The following LIN28B variants were observed in gnomAD, a reference collection of about 807,000 sequenced individuals.
The protein encoded by LIN28B is lin-28 RNA binding posttranscriptional regulator B.
LIN28B carries 5 observed loss-of-function variants against 21.9 expected under a neutral mutation model. The ratio of observed to expected loss-of-function variants is 0.23; its 90% CI spans 0.12 to 0.48. The LOEUF (loss-of-function observed/expected upper bound fraction) is 0.48, where lower values mean the gene tolerates loss of function less well. LIN28B is among the 20% of genes least tolerant of loss of function. The pLI is 0.98. For synonymous variants in LIN28B, 109 were observed against 111.3 expected (o/e 0.98, Z 0.13); for missense variants, 245 against 310.5 (o/e 0.79, Z 1.58).
At chr6:104,942,933 A>G (rs1778114015) in intron 2 of LIN28B, among the ~76,000 whole-genome samples, 1 of 152,118 alleles carries the variant, frequency 6.6e-6, no homozygotes, top group African/African-American at 2.4e-5. Flanking sequence ...AAATGATTCA[A>G]TAATTATATT....
chr6:104,989,726 G>C (rs1770424755), intron 2 of LIN28B, among the ~76,000 whole-genome samples: 1 of 151,344 alleles, frequency 6.6e-6, no homozygotes, highest in Non-Finnish European at 1.5e-5. Context: ...GAGTAGCTGG[G>C]ATTACAGGCC....
At position 105,078,622 on chromosome 6, in the gene LIN28B, G is replaced by A. The variant is rs1175916919; in HGVS notation, c.592G>A (p.Gly198Arg). 2.2e-5 allele frequency: 36 copies of A among 1,613,954 alleles called. No individual in the cohort carries two copies. Among genetic ancestry groups the A allele is most frequent in the Middle Eastern group, 1.6e-4 (1 of 6,084 alleles). The part of the protein sequence containing the change: ...TSTLPREVGG[G>R]HGCTSPPFPQ... ...AACTCTCCCTCGAGAAGTGGGAGGC[G>A]GGCATGGCTGTACATCACCACCGTT... Residue 198 changes from glycine (G) to arginine (R), a missense_variant, in exon 4 of 4, where the codon GGG becomes AGG. Physicochemically the swap from Gly to Arg is moderately radical, Grantham distance 125. Transcript: ENST00000345080.
chr6:105,019,790 C>G (rs544483791), intron 2 of LIN28B, among the ~76,000 whole-genome samples: 10 of 152,276 alleles, frequency 6.6e-5, no homozygotes, highest in African/African-American at 2.2e-4. Flanking sequence ...TCATTCTCTT[C>G]TTTATTGTGA....
At chr6:104,980,611 T>G (rs1036481392) in intron 2 of LIN28B, among the ~76,000 whole-genome samples, 1 of 152,208 alleles carries the variant, frequency 6.6e-6, no homozygotes, top group African/African-American at 2.4e-5. Flanking sequence ...AAAACTGATG[T>G]TAAAGGAAGA....
intron 3 of LIN28B, among the ~76,000 whole-genome samples, chr6:105,044,789 A>ACCATT (rs1771711936): frequency 6.6e-6 from 1 of 152,178 alleles, no homozygotes; most frequent in Non-Finnish European, 1.5e-5. Flanking sequence ...CCTGGCTTTT[A>ACCATT]GTGTACCTCT....
chr6:105,058,896 T>G (rs1048143490), intron 3 of LIN28B, among the ~76,000 whole-genome samples: 3 of 152,220 alleles, frequency 2.0e-5, no homozygotes, highest in Non-Finnish European at 4.4e-5. Flanking sequence ...TGTCTGTTTT[T>G]CTATTGGACT....
At chr6:104,975,882 G>A (rs1367667910) in intron 2 of LIN28B, among the ~76,000 whole-genome samples, 3 of 141,100 alleles carry the variant, frequency 2.1e-5, no homozygotes, top group Non-Finnish European at 3.0e-5. Context: ...TCACCACGTC[G>A]TCCAGGCTGG....
At chr6:104,986,612 A>G (rs1770351614) in intron 2 of LIN28B, among the ~76,000 whole-genome samples, 1 of 151,852 alleles carries the variant, frequency 6.6e-6, no homozygotes. Flanking sequence ...GGGAGAAATG[A>G]CATCTTCATA....
intron 2 of LIN28B, among the ~76,000 whole-genome samples, chr6:105,007,548 A>C (rs934303395): frequency 1.3e-5 from 2 of 149,938 alleles, no homozygotes; most frequent in African/African-American, 4.9e-5. Flanking sequence ...TTTTTTTAAG[A>C]GTGTCTCGCT....
At chr6:105,050,749 T>C (rs1771885523) in intron 3 of LIN28B, among the ~76,000 whole-genome samples, 2 of 151,482 alleles carry the variant, frequency 1.3e-5, no homozygotes, top group South Asian at 4.1e-4. Flanking sequence ...CATCACTGTA[T>C]ATTTTTGTAT....
rs564663312 is a variant in LIN28B at position 104,986,208 on chromosome 6, G to T, written c.198+27922G>T. Among the ~76,000 whole-genome samples the T allele has an allele frequency of 1.6e-3, 249 of 152,208 alleles. 5 individuals carry two copies. The highest frequency in any genetic ancestry group is 6.0e-3 in the Admixed American group (92 of 15,282). ...TTCTCCTTCACCTTCTGCCATGATT[G>T]TAAGTTTCCTGAGGCCTCCCCAGCT... On this transcript the variant is annotated intron_variant, in intron 2 of 3. Transcript: ENST00000345080.
intron 3 of LIN28B, among the ~76,000 whole-genome samples, chr6:105,064,747 A>G (rs1582928766): frequency 2.0e-5 from 3 of 152,302 alleles, no homozygotes; most frequent in African/African-American, 7.2e-5. Context: ...GTATCATTCA[A>G]TATTTTTTAA....
chr6:105,083,273 A>G lies in LIN28B; in HGVS notation c.*4490A>G, dbSNP rs1379061856. ...TAATGTCTTATTCTGTCAATTATGG[A>G]TATGTTGAGGTTTAAAAAAATTACT... On this transcript the variant is annotated 3_prime_UTR_variant, in exon 4 of 4. Transcript: ENST00000345080. The G allele has an allele frequency of 6.6e-6, 1 of 152,288 alleles. No individual in the cohort carries two copies. Among genetic ancestry groups the G allele is most frequent in the African/African-American group, 2.4e-5 (1 of 41,434 alleles). 9.4% of individuals were successfully genotyped at this position (152,288 alleles called of 1,614,324 possible). A position where few individuals can be genotyped will look rare whatever the true frequency, so the allele number is the denominator to read the frequency against.
chr6:104,966,981 G>T (rs1262974093), intron 2 of LIN28B, among the ~76,000 whole-genome samples: 1 of 152,002 alleles, frequency 6.6e-6, no homozygotes, highest in Non-Finnish European at 1.5e-5. Context: ...GCCCAGGCTG[G>T]TCTTGAACTC....
In LIN28B at chr6:105,026,826, A is replaced by G. The variant is rs143695713; in HGVS notation, c.383+344A>G. 9.2e-4 allele frequency among the ~76,000 whole-genome samples: 140 copies of G among 152,236 alleles called. 1 individual carries two copies. The highest frequency in any genetic ancestry group is 7.9e-3 in the Admixed American group (121 of 15,278). The stretch of plus-strand genomic sequence containing the variant: ...CACCTCTTTTTTCAAATGAAAATGT[A>G]CCTATTGTTTTGTCTGTTTTTGAAA... On this transcript the variant is annotated intron_variant, in intron 3 of 3. Coordinates refer to ENST00000345080, the MANE Select transcript of LIN28B (RefSeq NM_001004317.4).
chr6:105,025,431 AC>A lies in LIN28B; in HGVS notation c.199-866del, dbSNP rs369810794. Among the ~76,000 whole-genome samples the A allele has an allele frequency of 3.6e-3, 548 of 152,330 alleles. 4 individuals carry two copies. Among genetic ancestry groups the A allele is most frequent in the African/African-American group, 0.013 (528 of 41,574 alleles). ...AAATCAACAATTTTGTAATTGGTGAACATTGTTATTTTTACAAAAAATCAGC... is the reference window on the plus strand; with the variant it reads ...AAATCAACAATTTTGTAATTGGTGAAATTGTTATTTTTACAAAAAATCAGC... On this transcript the variant is annotated intron_variant, in intron 2 of 3. Coordinates refer to ENST00000345080, the MANE Select transcript of LIN28B (RefSeq NM_001004317.4).
At chr6:105,002,166 ATTTTT>A (rs751548299) in intron 2 of LIN28B, among the ~76,000 whole-genome samples, 1 of 95,982 alleles carries the variant, frequency 1.0e-5, no homozygotes. Flanking sequence ...ATTCTCTGGT[ATTTTT>A]TTTTTTTTTT....
At chr6:105,042,127 C>G (rs1041707820) in intron 3 of LIN28B, among the ~76,000 whole-genome samples, 1 of 152,010 alleles carries the variant, frequency 6.6e-6, no homozygotes, top group African/African-American at 2.4e-5. Context: ...CAGGTGAACT[C>G]CCACCCCCAT....
rs886330035 is a variant in LIN28B, at chr6:104,958,432, T to G, written c.198+146T>G. Reference sequence around the variant, plus strand: ...TGAAATCACTAGGTAGTCCAACGTTTAGGGTACGTGTATGGGCCTTTTCCT... The same window carrying G: ...TGAAATCACTAGGTAGTCCAACGTTGAGGGTACGTGTATGGGCCTTTTCCT... On this transcript the variant is annotated intron_variant, in intron 2 of 3. Coordinates refer to ENST00000345080, the MANE Select transcript of LIN28B (RefSeq NM_001004317.4). The G allele has an allele frequency of 5.2e-6, 3 of 571,856 alleles. No individual in the cohort carries two copies. In the African/African-American group the frequency reaches 5.6e-5, roughly 11 times the overall value. 35.4% of individuals were successfully genotyped at this position (571,856 alleles called of 1,614,324 possible).
Sources: allele counts gnomAD v4.1 joint callset (sites outside exome capture counted in the v4.1 genomes callset), GRCh38; gene constraint gnomAD v4.1.1; transcripts MANE v1.5; gene names NCBI Gene and HGNC (gene_info 2026-07-23, HGNC 2026-07-21).